ITGAE: variants seen among roughly 807,000 people sequenced by gnomAD.
ITGAE encodes integrin alpha-E.
ITGAE carries 99 observed loss-of-function variants against 136.5 expected under a neutral mutation model. The observed-to-expected ratio is 0.73, with a 90% CI of 0.62 to 0.86. The LOEUF (loss-of-function observed/expected upper bound fraction) is 0.86. Ranked by LOEUF, ITGAE falls within the 40% of genes least tolerant of loss-of-function variation. The pLI, the probability that ITGAE is intolerant of heterozygous loss-of-function variation, is 0.00. For synonymous variants in ITGAE, 613 were observed against 591.8 expected (o/e 1.04, Z -0.52); for missense variants, 1,447 against 1,515.3 (o/e 0.95, Z 0.75).
chr17:3,749,686 G>A (rs2051816157), intron 16 of ITGAE, among the ~76,000 whole-genome samples: 1 of 152,064 alleles, frequency 6.6e-6, no homozygotes, highest in South Asian at 2.1e-4. Flanking sequence ...TTACAGCCAC[G>A]GGACTTGATC....
chr17:3,758,577 C>G (rs1408865413), intron 8 of ITGAE, among the ~76,000 whole-genome samples: 1 of 152,018 alleles, frequency 6.6e-6, no homozygotes, highest in Non-Finnish European at 1.5e-5. Flanking sequence ...CTCAGCCTCC[C>G]GAGTAGCTGG....
At chr17:3,716,852 A>AAAG (rs1223239342) in intron 29 of ITGAE, 54 bp from the exon 30 acceptor site, 1 of 985,288 alleles carries the variant, frequency 1.0e-6, no homozygotes, top group Non-Finnish European at 1.6e-6. Context: ...ACAAGGAAAA[A>AAAG]ATCCTACATG....
At chr17:3,733,757 A>G (rs976881631) in intron 21 of ITGAE, among the ~76,000 whole-genome samples, 1 of 152,198 alleles carries the variant, frequency 6.6e-6, no homozygotes, top group Non-Finnish European at 1.5e-5. Flanking sequence ...TGAACAATGG[A>G]AAAGGCGGTT....
At chr17:3,788,754 TA>T (rs1322149798) in intron 1 of ITGAE, among the ~76,000 whole-genome samples, 3 of 142,868 alleles carry the variant, frequency 2.1e-5, no homozygotes, top group Non-Finnish European at 4.7e-5. Context: ...AATAATTATT[TA>T]AAAATAATAA....
At chr17:3,800,084 T>TC (rs1445317857) in intron 1 of ITGAE, among the ~76,000 whole-genome samples, 3 of 152,128 alleles carry the variant, frequency 2.0e-5, no homozygotes, top group African/African-American at 7.2e-5. Flanking sequence ...CAGCCTGGGC[T>TC]CCAGCCTGGG....
In ITGAE at chr17:3,755,264, G is replaced by A. The variant is rs1017126979; in HGVS notation, c.1240-3C>T. 1.3e-6 allele frequency: 2 copies of A among 1,573,018 alleles called. No individual in the cohort carries two copies. The highest frequency in any genetic ancestry group is 1.3e-5 in the African/African-American group (1 of 74,254). On this transcript the variant is annotated splice_region_variant and splice_polypyrimidine_tract_variant and intron_variant, in intron 11 of 30. Transcript: ENST00000263087. ...ACGGCGCCGAGCAGCACCTGCCGCT[G>A]AAGGGGACGGGGATGGGGCCCAGAT... is the stretch of plus-strand genomic sequence containing the variant.
chr17:3,747,830 C>G (rs2051754192), intron 17 of ITGAE, 92 bp downstream of exon 17: 1 of 237,972 alleles, frequency 4.2e-6, no homozygotes, highest in Non-Finnish European at 8.5e-6. Flanking sequence ...ACCCACCCAC[C>G]CCCCGCCCCA....
At chr17:3,729,952 G>A (rs376338193) in intron 23 of ITGAE, among the ~76,000 whole-genome samples, 4 of 152,138 alleles carry the variant, frequency 2.6e-5, no homozygotes, top group Non-Finnish European at 5.9e-5. Context: ...ATAGGTGAAC[G>A]TGTGCCATGG....
At chr17:3,726,046 T>C (rs767453144) in intron 26 of ITGAE, 18 of 1,614,182 alleles carry the variant, frequency 1.1e-5, no homozygotes, top group Non-Finnish European at 1.5e-5. Flanking sequence ...TTCTGTGACG[T>C]TTCCATGGAT....
chr17:3,772,216 G>T (rs891974282), intron 2 of ITGAE, among the ~76,000 whole-genome samples: 1 of 151,668 alleles, frequency 6.6e-6, no homozygotes, highest in Non-Finnish European at 1.5e-5. Context: ...GCCTCGATGC[G>T]CCCCCCCGTA....
At chr17:3,797,188 C>T (rs1355949736) in intron 1 of ITGAE, among the ~76,000 whole-genome samples, 12 of 117,348 alleles carry the variant, frequency 1.0e-4, no homozygotes, top group East Asian at 2.9e-4. Flanking sequence ...TTTTTTGAGA[C>T]GGAGTCTCGC....
At chr17:3,753,191 G>A in intron 14 of ITGAE, 99 bp downstream of exon 14, 1 of 1,357,694 alleles carries the variant, frequency 7.4e-7, no homozygotes, top group Non-Finnish European at 1.0e-6. Flanking sequence ...ACTGCCCACT[G>A]GTGCCAGGCA....
At chr17:3,730,778 C>CGT (rs1391598885) in intron 23 of ITGAE, among the ~76,000 whole-genome samples, 19 of 152,160 alleles carry the variant, frequency 1.2e-4, no homozygotes, top group Non-Finnish European at 2.1e-4. Flanking sequence ...CCCCACCTTA[C>CGT]CCCCCAACAC....
At chr17:3,737,118 C>A (rs961126194) in intron 20 of ITGAE, among the ~76,000 whole-genome samples, 2 of 152,090 alleles carry the variant, frequency 1.3e-5, no homozygotes, top group African/African-American at 2.4e-5. Flanking sequence ...CATGGTAAAA[C>A]CCCGTCTCTA....
intron 8 of ITGAE, among the ~76,000 whole-genome samples, chr17:3,759,115 A>C (rs1597340906): frequency 3.8e-5 from 5 of 130,696 alleles, no homozygotes; most frequent in African/African-American, 8.5e-5. Flanking sequence ...ACAGAGCAAG[A>C]CTCCATCTCA....
At chr17:3,753,502 C>T (rs1194598086) in intron 13 of ITGAE, 72 bp from the exon 14 acceptor site, 2 of 1,549,004 alleles carry the variant, frequency 1.3e-6, no homozygotes, top group African/African-American at 1.4e-5. Flanking sequence ...ACACCCCTGC[C>T]CGCGTGCTTC....
chr17:3,724,849 T>C, intron 26 of ITGAE: 1 of 1,614,002 alleles, frequency 6.2e-7, no homozygotes, highest in Non-Finnish European at 8.5e-7. Flanking sequence ...GAGAGAGGGC[T>C]TCAAGAGGCC....
chr17:3,757,037 A>C lies in ITGAE; in HGVS notation c.1118T>G (p.Met373Arg). ...ETHAFKVTNY[M>R]ALDGLLSKLR... is the part of the protein sequence containing the mutation. The stretch of plus-strand genomic sequence containing the variant: ...TTTGCTCAGCAGCCCATCCAGCGCC[A>C]TGTAGTTGGTCACCTTGAAAGCATG... The change falls in exon 10 of 31, where the codon ATG becomes AGG. Residue 373 changes from methionine to arginine, a missense_variant. Transcript: ENST00000263087. The C allele has an allele frequency of 6.2e-7, 1 of 1,614,190 alleles. No homozygotes were observed.
intron 18 of ITGAE, 74 bp from the exon 19 acceptor site, chr17:3,743,691 CTTTTTCTT>C (rs1185429112): frequency 5.7e-6 from 7 of 1,226,832 alleles, no homozygotes; most frequent in South Asian, 2.9e-5. Flanking sequence ...TGCTTTTTTT[CTTTTTCTT>C]TTTTTCTTTT....
Sources: allele counts gnomAD v4.1 joint callset (sites outside exome capture counted in the v4.1 genomes callset), GRCh38; gene constraint gnomAD v4.1.1; transcripts MANE v1.5; gene names NCBI Gene and HGNC (gene_info 2026-07-23, HGNC 2026-07-21).